Variants in PMFBP1 observed in about 807,000 individuals in gnomAD.
The protein encoded by PMFBP1 is polyamine modulated factor 1 binding protein 1, also known as polyamine-modulated factor 1-binding protein 1.
In PMFBP1, 131 loss-of-function variants were observed where a neutral mutation model predicts 137.8. The observed-to-expected ratio is 0.95, with a 90% confidence interval of 0.82 to 1.10. The LOEUF is 1.10. Ranked by LOEUF, PMFBP1 falls within the 50% of genes least tolerant of loss-of-function variation. The pLI, the probability that PMFBP1 is intolerant of heterozygous loss-of-function variation, is 0.00. For synonymous variants in PMFBP1, 490 were observed against 450.4 expected, an observed-to-expected ratio of 1.09 and a Z score of -1.11; for missense variants, 1,199 against 1,175.4, an observed-to-expected ratio of 1.02 and a Z score of -0.29.
chr16:72,246,731 C>A, the PMFBP1 span, among the ~76,000 whole-genome samples: 16 of 151,990 alleles, frequency 1.1e-4, no homozygotes, highest in Non-Finnish European at 1.9e-4. Context: ...TTCTCTCTCC[C>A]CTTCTTAACG....
At chr16:72,223,857 G>A in the PMFBP1 span, among the ~76,000 whole-genome samples, 1 of 152,162 alleles carries the variant, frequency 6.6e-6, no homozygotes, top group African/African-American at 2.4e-5. Context: ...AAAATTACTA[G>A]CTAAGAATAG....
At chr16:72,230,275 G>T in the PMFBP1 span, among the ~76,000 whole-genome samples, 1 of 152,010 alleles carries the variant, frequency 6.6e-6, no homozygotes, top group Non-Finnish European at 1.5e-5. Context: ...CAAACCATTA[G>T]GATATAACCA....
At chr16:72,172,677 A>T (rs970599186), upstream of PMFBP1, among the ~76,000 whole-genome samples, 1 of 152,052 alleles carries the variant, frequency 6.6e-6, no homozygotes, top group African/African-American at 2.4e-5. Context: ...CGAATATCAC[A>T]ATGAGACAAG....
intron 2 of PMFBP1, among the ~76,000 whole-genome samples, chr16:72,168,718 A>G (rs1039720334): frequency 6.6e-6 from 1 of 152,188 alleles, no homozygotes; most frequent in South Asian, 2.1e-4. Context: ...TTTCTCTTAT[A>G]TAAGGCTGGA....
chr16:72,153,926 A>ACT (rs1304439926), intron 4 of PMFBP1, among the ~76,000 whole-genome samples: 2 of 28,044 alleles, frequency 7.1e-5, no homozygotes, highest in Non-Finnish European at 1.2e-4. Flanking sequence ...ACTTATACAC[A>ACT]CACACACACA....
rs572045825 is a variant in PMFBP1 at position 72,119,992 on chromosome 16, A to G, written c.2866T>C (p.Cys956Arg). The G allele has an allele frequency of 3.7e-6, 6 of 1,614,102 alleles. No homozygotes were observed. Among genetic ancestry groups the G allele is most frequent in the South Asian group, 1.1e-5 (1 of 91,070 alleles). Residue 956 changes from cysteine to arginine, a missense_variant, in exon 20 of 21, where the codon TGC becomes CGC. Transcript: ENST00000237353. ...KKMKAENTRL[C>R]TKALGPSRTE... ...CTGCTCGGGCCTAGGGCTTTGGTGC[A>G]TAGCCTTGTGTTCTCGGCTTTCATC... is the stretch of plus-strand genomic sequence containing the variant.
At chr16:72,228,700 T>C in the PMFBP1 span, among the ~76,000 whole-genome samples, 2 of 152,168 alleles carry the variant, frequency 1.3e-5, no homozygotes, top group African/African-American at 2.4e-5. Context: ...CTCTATTTCT[T>C]TAGGATAGTT....
chr16:72,222,822 T>G, the PMFBP1 span, among the ~76,000 whole-genome samples: 1 of 152,348 alleles, frequency 6.6e-6, no homozygotes, highest in African/African-American at 2.4e-5. Context: ...AGTGCCTGGC[T>G]TAGAGTAAGC....
the PMFBP1 span, among the ~76,000 whole-genome samples, chr16:72,193,953 A>G: frequency 1.3e-5 from 2 of 149,444 alleles, no homozygotes; most frequent in Non-Finnish European, 3.0e-5. Flanking sequence ...AAGAGTCTAT[A>G]GTGGCAGGTA....
At chr16:72,157,076 C>T (rs7192415) in intron 3 of PMFBP1, among the ~76,000 whole-genome samples, 1 of 149,606 alleles carries the variant, frequency 6.7e-6, no homozygotes, top group Non-Finnish European at 1.5e-5. Context: ...GTAGTCCCAG[C>T]TACTCAGGAG....
upstream of PMFBP1, among the ~76,000 whole-genome samples, chr16:72,175,559 C>T (rs145043286): frequency 2.8e-3 from 429 of 152,308 alleles, no homozygotes; most frequent in Non-Finnish European, 4.8e-3. Flanking sequence ...TATTCCTTTT[C>T]CTTCATGGCC....
chr16:72,193,035 T>G, the PMFBP1 span, among the ~76,000 whole-genome samples: 2 of 152,102 alleles, frequency 1.3e-5, no homozygotes, highest in African/African-American at 4.8e-5. Flanking sequence ...ACATAACAAT[T>G]ATATAATAAC....
the PMFBP1 span, among the ~76,000 whole-genome samples, chr16:72,243,326 C>T: frequency 2.0e-5 from 3 of 152,208 alleles, no homozygotes; most frequent in South Asian, 2.1e-4. Flanking sequence ...CCCTTCTGCA[C>T]GTGGATGCTG....
upstream of PMFBP1, among the ~76,000 whole-genome samples, chr16:72,181,803 A>G (rs531771605): frequency 2.6e-5 from 4 of 152,310 alleles, no homozygotes; most frequent in East Asian, 7.7e-4. Flanking sequence ...AGTTAAATAA[A>G]TGTTTATAAT....
intron 7 of PMFBP1, among the ~76,000 whole-genome samples, chr16:72,138,206 T>G (rs1488416127): frequency 6.6e-6 from 1 of 152,154 alleles, no homozygotes; most frequent in Non-Finnish European, 1.5e-5. Context: ...AACTACAAAG[T>G]TCAATATTGA....
At chr16:72,151,255 T>C (rs376251885) in intron 4 of PMFBP1, among the ~76,000 whole-genome samples, 4 of 152,228 alleles carry the variant, frequency 2.6e-5, no homozygotes, top group Non-Finnish European at 4.4e-5. Context: ...GTCAGGAAAG[T>C]TCCCAAGAGA....
the PMFBP1 span, chr16:72,225,009 G>A: frequency 6.6e-6 from 1 of 152,142 alleles, no homozygotes; most frequent in African/African-American, 2.4e-5. Context: ...ATATAAACAA[G>A]CATGTAGTTC....
At chr16:72,229,513 T>G in the PMFBP1 span, among the ~76,000 whole-genome samples, 1 of 151,614 alleles carries the variant, frequency 6.6e-6, no homozygotes, top group African/African-American at 2.4e-5. Context: ...CTCACCAATA[T>G]TTTTTTTTCT....
chr16:72,134,337 C>G (rs2042592957), intron 9 of PMFBP1, among the ~76,000 whole-genome samples: 1 of 152,102 alleles, frequency 6.6e-6, no homozygotes, highest in African/African-American at 2.4e-5. Flanking sequence ...GGTGTGCCAC[C>G]ACACTCAGCT....
Sources: gnomAD v4.1 joint callset for allele counts (sites outside exome capture counted in the v4.1 genomes callset) on GRCh38, gnomAD v4.1.1 for gene constraint, MANE v1.5 for transcripts, NCBI Gene and HGNC (gene_info 2026-07-23, HGNC 2026-07-21) for gene names.